The following APLP2 variants were observed in gnomAD, a reference collection of about 807,000 sequenced individuals.
The protein encoded by APLP2 is CDEI box-binding protein.
Under a neutral mutation model 89.9 loss-of-function variants are expected in APLP2, and 53 were observed. The observed-to-expected ratio is 0.59, with a 90% confidence interval of 0.47 to 0.74. The LOEUF (loss-of-function observed/expected upper bound fraction) is 0.74, where lower values mean the gene tolerates loss of function less well. APLP2 is among the 30% of genes least tolerant of loss of function. The pLI is 0.00. For synonymous variants in APLP2, 372 were observed against 348.6 expected (o/e 1.07, Z -0.75); for missense variants, 973 against 975.9 (o/e 1.00, Z 0.04).
In APLP2 at chr11:130,141,449, T is replaced by C. The variant is rs748088562; in HGVS notation, c.1924-49T>C. On this transcript the variant is annotated intron_variant, in intron 14 of 16. Coordinates refer to ENST00000338167, the MANE Select transcript of APLP2 (RefSeq NM_001142276.2). The surrounding 1 kb of genome is among the most constrained non-coding windows in gnomAD (Gnocchi z 4.2). ...AGGAAGGAGGCAGTAAATACCAAAC[T>C]CCCCGTTCACCCAGTTGCTTGCTGC... 16 of 1,500,384 alleles carry C rather than the reference T, an allele frequency of 1.1e-5. No individual in the cohort carries two copies. The highest frequency in any genetic ancestry group is 1.5e-5 in the Non-Finnish European group (16 of 1,077,524). 92.9% of individuals were successfully genotyped at this position (1,500,384 alleles called of 1,614,324 possible).
chr11:130,139,401 T>G (rs1952067188), intron 13 of APLP2: 1 of 152,218 alleles, frequency 6.6e-6, no homozygotes, highest in Admixed American at 6.5e-5. Context: ...GTAGTTACCT[T>G]AGAATGCCAG....
rs748751613 is a variant in APLP2 at position 130,141,984 on chromosome 11, C to T, written c.2064C>T (p.Val688=). The T allele has an allele frequency of 2.5e-6, 4 of 1,614,090 alleles. No homozygotes were observed. The highest frequency in any genetic ancestry group is 1.7e-6 in the Non-Finnish European group (2 of 1,180,018). ...GCAGTGCTCTCATTGGCCTGCTGGT[C>T]ATCGCAGTGGCCATTGCCACGGTCA... The part of the protein sequence containing the change: ...LSSSALIGLL[V]IAVAIATVIV... The change falls in exon 16 of 17, where the codon GTC becomes GTT. Residue 688 remains valine (V), a synonymous_variant. Transcript: ENST00000338167. The surrounding 1 kb of genome is among the most constrained non-coding windows in gnomAD (Gnocchi z 4.2).
intron 11 of APLP2, among the ~76,000 whole-genome samples, chr11:130,130,806 TGTGA>T (rs1950863382): frequency 2.0e-5 from 3 of 152,338 alleles, no homozygotes; most frequent in East Asian, 1.9e-4. Flanking sequence ...CTGTGCTGAT[TGTGA>T]GTGTCAGGGT....
chr11:130,110,088 A>G (rs527891070), intron 2 of APLP2, among the ~76,000 whole-genome samples: 22 of 152,280 alleles, frequency 1.4e-4, no homozygotes, highest in Non-Finnish European at 2.5e-4. Context: ...CATCCTCCCC[A>G]GCCTCCCAAA....
intron 1 of APLP2, among the ~76,000 whole-genome samples, chr11:130,071,145 C>T (rs565020258): frequency 6.6e-5 from 10 of 152,350 alleles, no homozygotes; most frequent in Middle Eastern, 6.8e-3. Context: ...TTTCTGCATA[C>T]TTAGCTAATT....
At chr11:130,094,047 ATTT>A (rs138605738) in intron 1 of APLP2, among the ~76,000 whole-genome samples, 1,235 of 76,344 alleles carry the variant, frequency 0.016, 15 homozygotes, top group African/African-American at 0.056. Flanking sequence ...TCCCGGCCGT[ATTT>A]TTTTTTTTTT....
chr11:130,136,626 A>C (rs1443374821), intron 13 of APLP2, among the ~76,000 whole-genome samples: 1 of 152,194 alleles, frequency 6.6e-6, no homozygotes, highest in Non-Finnish European at 1.5e-5. Context: ...ATGGAGGTAC[A>C]TCCAGCTTAG....
At chr11:130,089,649 T>G (rs911041425) in intron 1 of APLP2, among the ~76,000 whole-genome samples, 7 of 152,232 alleles carry the variant, frequency 4.6e-5, no homozygotes, top group Admixed American at 3.9e-4. Context: ...TGGAGTGACT[T>G]AAGCAACAGA....
At chr11:130,071,864 G>C (rs1171779403) in intron 1 of APLP2, among the ~76,000 whole-genome samples, 1 of 151,666 alleles carries the variant, frequency 6.6e-6, no homozygotes. Flanking sequence ...TCTTTCAAGG[G>C]GCCTTTTGTC....
chr11:130,080,941 G>A (rs74545489), intron 1 of APLP2, among the ~76,000 whole-genome samples: 16,788 of 151,700 alleles, frequency 0.11, 1,179 homozygotes, highest in East Asian at 0.25. Context: ...CACCTGCCTC[G>A]GCCTCCCAAA....
At chr11:130,106,713 G>A (rs930805647) in intron 1 of APLP2, among the ~76,000 whole-genome samples, 1 of 149,682 alleles carries the variant, frequency 6.7e-6, no homozygotes, top group African/African-American at 2.5e-5. Context: ...TTTGAGATTT[G>A]AGTCTTGCTC....
Position 130,135,591 on chromosome 11 carries a change from T to C in APLP2, c.1713T>C (p.Asp571=), listed in dbSNP as rs1250795513. ...AGCTCCTTCAGGAGCAGCGTGCAGATATGGACCAGTTCACTGCCTCAATCT... is the reference window on the plus strand; with the variant it reads ...AGCTCCTTCAGGAGCAGCGTGCAGACATGGACCAGTTCACTGCCTCAATCT... ...IDELLQEQRA[D]MDQFTASISE... Residue 571 remains aspartate (D), a synonymous_variant, in exon 13 of 17, where the codon GAT becomes GAC. Transcript: ENST00000338167. 1 of 1,613,978 alleles carries C rather than the reference T, an allele frequency of 6.2e-7. No homozygotes were observed. Among genetic ancestry groups the C allele is most frequent in the East Asian group, 2.2e-5 (1 of 44,888 alleles).
chr11:130,128,080 G>A (rs1025421773), intron 9 of APLP2, among the ~76,000 whole-genome samples: 15 of 152,192 alleles, frequency 9.9e-5, no homozygotes, highest in African/African-American at 3.6e-4. Flanking sequence ...TAGCTCAGCT[G>A]CCTTTCGTTA....
chr11:130,100,500 T>G (rs1258823833), intron 1 of APLP2: 1 of 152,192 alleles, frequency 6.6e-6, no homozygotes, highest in Non-Finnish European at 1.5e-5. Flanking sequence ...TTGAAAAAAC[T>G]TCCCTTAGCT....
At chr11:130,081,771 T>C (rs763160678) in intron 1 of APLP2, among the ~76,000 whole-genome samples, 8 of 152,242 alleles carry the variant, frequency 5.3e-5, no homozygotes, top group Non-Finnish European at 1.0e-4. Flanking sequence ...CTGCCTATTT[T>C]GTAATTTATT....
At position 130,141,238 on chromosome 11, in the gene APLP2, T is replaced by C. The variant is rs1264202302; in HGVS notation, c.1924-260T>C. The C allele has an allele frequency of 6.5e-6, 3 of 464,282 alleles. No individual in the cohort carries two copies. Among genetic ancestry groups the C allele is most frequent in the Non-Finnish European group, 1.2e-5 (3 of 257,598 alleles). The allele number at this position is 464,282 out of a possible 1,614,324, so 28.8% of individuals were successfully genotyped here. On this transcript the variant is annotated intron_variant, in intron 14 of 16. Coordinates refer to ENST00000338167, the MANE Select transcript of APLP2 (RefSeq NM_001142276.2). The surrounding 1 kb of genome is among the most constrained non-coding windows in gnomAD (Gnocchi z 4.2). Reference sequence around the variant, plus strand: ...GGCTTTTTGGCAGTCTGTTCTGAGATACGTCTCCACAACGGTTACTTGAAG... The same window carrying C: ...GGCTTTTTGGCAGTCTGTTCTGAGACACGTCTCCACAACGGTTACTTGAAG...
At chr11:130,091,067 CG>C (rs1944993762) in intron 1 of APLP2, among the ~76,000 whole-genome samples, 1 of 125,422 alleles carries the variant, frequency 8.0e-6, no homozygotes. Flanking sequence ...CCCTCCCGGA[CG>C]GGGCGGCTGG....
At chr11:130,116,557 C>A (rs948188533) in intron 3 of APLP2, among the ~76,000 whole-genome samples, 1 of 152,082 alleles carries the variant, frequency 6.6e-6, no homozygotes, top group Non-Finnish European at 1.5e-5. Flanking sequence ...GCGATCTTGG[C>A]TGACTGCGGC....
intron 8 of APLP2, among the ~76,000 whole-genome samples, chr11:130,127,399 C>T (rs1950504009): frequency 6.6e-6 from 1 of 152,146 alleles, no homozygotes; most frequent in Admixed American, 6.5e-5. Context: ...TAAGCTCCAC[C>T]CCAAATCCCA....
Sources: gnomAD v4.1 joint callset for allele counts (sites outside exome capture counted in the v4.1 genomes callset) on GRCh38, gnomAD v4.1.1 for gene constraint, Gnocchi (gnomAD v3.1) non-coding constraint, MANE v1.5 for transcripts, NCBI Gene and HGNC (gene_info 2026-07-23, HGNC 2026-07-21) for gene names.